The following CDC14A variants were observed in gnomAD, a reference collection of about 807,000 sequenced individuals.
The protein encoded by CDC14A is dual specificity protein phosphatase CDC14A.
CDC14A carries 53 observed loss-of-function variants against 74.4 expected under a neutral mutation model. The ratio of observed to expected loss-of-function variants is 0.71; its 90% CI spans 0.57 to 0.89. CDC14A has a LOEUF of 0.89. Ranked by LOEUF, CDC14A falls within the 40% of genes least tolerant of loss-of-function variation. CDC14A has a pLI of 0.00. For synonymous variants in CDC14A, 247 were observed against 258.4 expected (o/e 0.96, Z 0.43); for missense variants, 646 against 713.7 (o/e 0.91, Z 1.08).
At chr1:100,472,122 A>G (rs1278354182) in intron 10 of CDC14A, among the ~76,000 whole-genome samples, 2 of 152,212 alleles carry the variant, frequency 1.3e-5, no homozygotes, top group Non-Finnish European at 2.9e-5. Flanking sequence ...ATTAACAATA[A>G]AAAGACAATC....
rs1321393855 is a variant in CDC14A at position 100,352,779 on chromosome 1, C to A, written c.-176C>A. ...GGTTCCCCTCGGAATGTCCCCGGGG[C>A]GCCCGGCGCGCTGACCCCGAAGCCG... On this transcript the variant is annotated 5_prime_UTR_variant, in exon 1 of 16. Coordinates refer to ENST00000336454, the MANE Select transcript of CDC14A (RefSeq NM_003672.4). The A allele has an allele frequency of 3.5e-6, 5 of 1,422,018 alleles. No individual in the cohort carries two copies. Among genetic ancestry groups the A allele is most frequent in the Non-Finnish European group, 2.7e-6 (3 of 1,094,746 alleles). 88.1% of individuals were successfully genotyped at this position (1,422,018 alleles called of 1,614,324 possible). A position where few individuals can be genotyped will look rare whatever the true frequency, so the allele number is the denominator to read the frequency against.
intron 13 of CDC14A, among the ~76,000 whole-genome samples, chr1:100,496,981 C>T (rs1180112635): frequency 2.0e-5 from 3 of 152,194 alleles, no homozygotes; most frequent in Non-Finnish European, 1.5e-5. Flanking sequence ...ATTTATTGAG[C>T]ACCTGCTCAG....
intron 15 of CDC14A, among the ~76,000 whole-genome samples, chr1:100,517,080 C>T (rs911305311): frequency 7.2e-5 from 11 of 152,230 alleles, no homozygotes; most frequent in African/African-American, 1.7e-4. Flanking sequence ...TTGTGGCTTT[C>T]GCCCTTTGCG....
intron 2 of CDC14A, among the ~76,000 whole-genome samples, chr1:100,369,080 T>TA (rs1654051871): frequency 1.1e-5 from 1 of 90,554 alleles, no homozygotes; most frequent in Non-Finnish European, 2.2e-5. Context: ...TTTTTTGACA[T>TA]TTTTTTTTTT....
intron 9 of CDC14A, among the ~76,000 whole-genome samples, chr1:100,463,935 C>T (rs756879521): frequency 6.6e-6 from 1 of 151,984 alleles, no homozygotes; most frequent in East Asian, 1.9e-4. Flanking sequence ...GGTCTAGACC[C>T]GGTTTCCCTC....
chr1:100,361,005 A>G (rs1652676468), intron 2 of CDC14A, among the ~76,000 whole-genome samples: 1 of 152,094 alleles, frequency 6.6e-6, no homozygotes, highest in Non-Finnish European at 1.5e-5. Flanking sequence ...GATTCCTAAG[A>G]CATCAGATGT....
chr1:100,435,783 C>T (rs548768170), intron 5 of CDC14A, among the ~76,000 whole-genome samples: 32 of 145,828 alleles, frequency 2.2e-4, no homozygotes, highest in Non-Finnish European at 3.9e-4. Context: ...AAGATTGTGC[C>T]AGTGCGCTCC....
chr1:100,515,364 C>T (rs1209638124), intron 15 of CDC14A, among the ~76,000 whole-genome samples: 2 of 151,936 alleles, frequency 1.3e-5, no homozygotes, highest in East Asian at 3.8e-4. Flanking sequence ...TTCTCTTCTC[C>T]CCTTAGTGCA....
In CDC14A at chr1:100,478,213, C is replaced by T. The variant is rs2101324743; in HGVS notation, c.978-6079C>T. 2.6e-5 allele frequency among the ~76,000 whole-genome samples: 4 copies of T among 151,994 alleles called. No homozygotes were observed. The Middle Eastern group carries it at 0.01, about 390-fold the overall frequency. On this transcript the variant is annotated intron_variant, in intron 10 of 15. Transcript: ENST00000336454. ...AGGTTCTTAAAATGATGTAAAAATA[C>T]ATCTTTTTGTTTTTGAGCCAACTCT...
At position 100,356,352 on chromosome 1, in the gene CDC14A, A is replaced by G. The variant is rs138528061; in HGVS notation, c.140+2500A>G. ...ACTATTAATTCATTGTGTTTTCACA[A>G]CAATTCTGTGAGACAGGCACTATTA... On this transcript the variant is annotated intron_variant, in intron 2 of 15. Coordinates refer to ENST00000336454, the MANE Select transcript of CDC14A (RefSeq NM_003672.4). 1.2e-4 allele frequency among the ~76,000 whole-genome samples: 18 copies of G among 152,296 alleles called. No homozygotes were observed. The East Asian group carries it at 3.3e-3, about 28-fold the overall frequency.
At chr1:100,368,965 G>A (rs772410350) in intron 2 of CDC14A, among the ~76,000 whole-genome samples, 4 of 152,190 alleles carry the variant, frequency 2.6e-5, no homozygotes, top group Non-Finnish European at 4.4e-5. Flanking sequence ...GGATTGCTGG[G>A]TTGAATGGTA....
intron 13 of CDC14A, among the ~76,000 whole-genome samples, chr1:100,497,325 C>T (rs1035476742): frequency 5.9e-5 from 9 of 152,136 alleles, no homozygotes; most frequent in East Asian, 1.9e-4. Flanking sequence ...AACGTGTGGA[C>T]GCTACCCATT....
intron 4 of CDC14A, among the ~76,000 whole-genome samples, chr1:100,396,124 G>T (rs533256662): frequency 6.6e-6 from 1 of 152,354 alleles, no homozygotes; most frequent in East Asian, 1.9e-4. Flanking sequence ...GTCGCTGTGT[G>T]TGGAGGGTGA....
At chr1:100,493,527 C>T (rs187030346) in intron 11 of CDC14A, among the ~76,000 whole-genome samples, 4 of 152,328 alleles carry the variant, frequency 2.6e-5, no homozygotes, top group African/African-American at 7.2e-5. Flanking sequence ...ATGGATAGAA[C>T]TGAATGGTAA....
At chr1:100,443,997 G>C (rs960709997) in intron 7 of CDC14A, among the ~76,000 whole-genome samples, 32 of 152,074 alleles carry the variant, frequency 2.1e-4, no homozygotes, top group African/African-American at 7.5e-4. Context: ...CCTCACATTT[G>C]GGGCCCTAGT....
chr1:100,480,305 A>G (rs74891991), intron 10 of CDC14A, among the ~76,000 whole-genome samples: 238 of 152,312 alleles, frequency 1.6e-3, no homozygotes, highest in African/African-American at 5.6e-3. Context: ...ACATTCATCC[A>G]TGTTGTAACA....
At chr1:100,372,560 G>A (rs530817057) in intron 2 of CDC14A, among the ~76,000 whole-genome samples, 1 of 152,322 alleles carries the variant, frequency 6.6e-6, no homozygotes, top group South Asian at 2.1e-4. Flanking sequence ...AAAGGTGTGA[G>A]CATGATAAAG....
chr1:100,387,587 A>G (rs1657056231), intron 3 of CDC14A, among the ~76,000 whole-genome samples: 1 of 152,222 alleles, frequency 6.6e-6, no homozygotes, highest in Admixed American at 6.5e-5. Flanking sequence ...TTTAAAATAA[A>G]GTTTCTAGGA....
At chr1:100,502,073 G>A (rs1356700435) in intron 15 of CDC14A, among the ~76,000 whole-genome samples, 4 of 151,968 alleles carry the variant, frequency 2.6e-5, no homozygotes, top group Non-Finnish European at 5.9e-5. Context: ...AAACAATTAA[G>A]TTTATAAAAT....
Sources: allele counts gnomAD v4.1 joint callset (sites outside exome capture counted in the v4.1 genomes callset), GRCh38; gene constraint gnomAD v4.1.1; transcripts MANE v1.5; gene names NCBI Gene and HGNC (gene_info 2026-07-23, HGNC 2026-07-21).